The following LRIG1 variants were observed in gnomAD, a reference collection of about 807,000 sequenced individuals.
The protein encoded by LRIG1 is leucine-rich repeats and immunoglobulin-like domains protein 1.
A neutral mutation model predicts 99.2 loss-of-function variants in LRIG1; 48 were observed. That is an observed-to-expected ratio of 0.48 (90% CI 0.38 to 0.62). LRIG1 has a LOEUF of 0.62. Among genes scored for constraint, LRIG1 ranks in the 20% least tolerant of loss-of-function variants. The probability of loss-of-function intolerance (pLI) is 0.00; values close to 1 mark genes in which losing one functional copy is unlikely to be tolerated. For missense variants in LRIG1, 1,646 were observed against 1,434.4 expected (o/e 1.15, Z -2.38); for synonymous variants, 772 against 596.1 (o/e 1.29, Z -4.30).
rs1701007195 is a variant in LRIG1, at chr3:66,380,815, G to A, written c.2817C>T (p.Asp939=). 1 of 1,614,114 alleles carries A rather than the reference G, an allele frequency of 6.2e-7. No homozygotes were observed. The highest frequency in any genetic ancestry group is 8.5e-7 in the Non-Finnish European group (1 of 1,180,056). Residue 939 remains aspartate (D), a synonymous_variant, in exon 18 of 19, where the codon GAC becomes GAT. Coordinates refer to ENST00000273261, the MANE Select transcript of LRIG1 (RefSeq NM_015541.3). ...GGAAGGCTTGTCCCCTGGAGTAACA[G>A]TCCACTTCGGTGTTGCAGTCACTGC... is the stretch of plus-strand genomic sequence containing the variant. The part of the protein sequence containing the change: ...VVCSDCNTEV[D]CYSRGQAFHP...
intron 2 of LRIG1, 131 bp from the exon 3 acceptor site, chr3:66,451,764 G>A (rs902749939): frequency 1.5e-6 from 1 of 666,592 alleles, no homozygotes; most frequent in Non-Finnish European, 2.5e-6. Context: ...GGAGAAAAGA[G>A]AAAGAATTTA....
At chr3:66,467,817 G>T (rs749163289) in intron 1 of LRIG1, among the ~76,000 whole-genome samples, 6 of 152,348 alleles carry the variant, frequency 3.9e-5, no homozygotes, top group Admixed American at 3.3e-4. Flanking sequence ...TCTATATCAT[G>T]AAATAATCCA....
chr3:66,495,816 C>T (rs1031084840), intron 1 of LRIG1, among the ~76,000 whole-genome samples: 4 of 152,190 alleles, frequency 2.6e-5, no homozygotes, highest in East Asian at 1.9e-4. Flanking sequence ...TTCCTGTCCA[C>T]CCTGAAAGAG....
chr3:66,383,425 TAGTC>T (rs762228950), intron 14 of LRIG1, 24 bp from the exon 15 acceptor site: 32 of 1,520,762 alleles, frequency 2.1e-5, no homozygotes, highest in Non-Finnish European at 2.8e-5. Context: ...ACAGAGATCT[TAGTC>T]ATTCTCAGGG....
At chr3:66,432,791 C>T (rs548537317) in intron 3 of LRIG1, among the ~76,000 whole-genome samples, 3 of 152,146 alleles carry the variant, frequency 2.0e-5, no homozygotes, top group South Asian at 2.1e-4. Flanking sequence ...CACCTCTTCT[C>T]GGCATCCACC....
At chr3:66,492,146 A>G (rs1701115221) in intron 1 of LRIG1, among the ~76,000 whole-genome samples, 1 of 152,228 alleles carries the variant, frequency 6.6e-6, no homozygotes, top group Non-Finnish European at 1.5e-5. Context: ...GCTTTCAAAC[A>G]AAAGAGCACT....
intron 1 of LRIG1, among the ~76,000 whole-genome samples, chr3:66,485,569 C>T (rs745810941): frequency 6.6e-6 from 1 of 152,154 alleles, no homozygotes. Context: ...AACAAATATA[C>T]ACGCATTTGA....
intron 1 of LRIG1, among the ~76,000 whole-genome samples, chr3:66,465,661 C>T (rs952762174): frequency 3.3e-5 from 5 of 152,064 alleles, no homozygotes; most frequent in Middle Eastern, 3.4e-3. Context: ...CCACCGTGCC[C>T]GGCCTGAGCA....
At chr3:66,462,177 G>A (rs990503064) in intron 2 of LRIG1, among the ~76,000 whole-genome samples, 1 of 152,156 alleles carries the variant, frequency 6.6e-6, no homozygotes, top group Non-Finnish European at 1.5e-5. Context: ...TCCCACAATG[G>A]AGGGACTCTG....
intron 3 of LRIG1, among the ~76,000 whole-genome samples, chr3:66,428,205 T>C (rs890693952): frequency 6.6e-6 from 1 of 152,228 alleles, no homozygotes; most frequent in Admixed American, 6.5e-5. Flanking sequence ...TGCATATGTC[T>C]GGCCTTAGCA....
chr3:66,452,087 A>G (rs1461312571), intron 2 of LRIG1, among the ~76,000 whole-genome samples: 1 of 152,206 alleles, frequency 6.6e-6, no homozygotes, highest in African/African-American at 2.4e-5. Context: ...GGCTTGGGAC[A>G]CATGGGGCCA....
At chr3:66,462,380 G>T in intron 2 of LRIG1, 58 bp downstream of exon 2, 1 of 1,312,094 alleles carries the variant, frequency 7.6e-7, no homozygotes, top group Non-Finnish European at 1.1e-6. Flanking sequence ...AATACAAGAG[G>T]ATTTTCCCAA....
chr3:66,395,974 G>A (rs149521070), intron 11 of LRIG1, among the ~76,000 whole-genome samples: 2 of 151,198 alleles, frequency 1.3e-5, no homozygotes, highest in African/African-American at 2.4e-5. Context: ...CATTTGTGCA[G>A]GACACAAGGA....
In LRIG1 at chr3:66,380,059, T is replaced by C. The variant is rs1392244916; in HGVS notation, c.*204A>G. On this transcript the variant is annotated 3_prime_UTR_variant, in exon 19 of 19. Coordinates refer to ENST00000273261, the MANE Select transcript of LRIG1 (RefSeq NM_015541.3). ...CTGAAAACTCTTATGTACAATGATA[T>C]CAAATACTTTTTTTGCCTTTTGTAC... The C allele has an allele frequency of 2.0e-5, 10 of 501,566 alleles. No homozygotes were observed. The East Asian group carries it at 3.1e-4, about 15-fold the overall frequency. 31.1% of individuals were successfully genotyped at this position (501,566 alleles called of 1,614,324 possible).
chr3:66,425,213 C>T (rs12487264), intron 3 of LRIG1, among the ~76,000 whole-genome samples: 27,957 of 152,136 alleles, frequency 0.18, 2,676 homozygotes, highest in Admixed American at 0.26. Flanking sequence ...CCTGGCAGAA[C>T]TTTAAGGGCA....
intron 1 of LRIG1, among the ~76,000 whole-genome samples, chr3:66,466,363 G>T (rs889926143): frequency 5.3e-5 from 8 of 152,114 alleles, no homozygotes; most frequent in Non-Finnish European, 1.0e-4. Flanking sequence ...TCTTTTTAAG[G>T]CTAACTAATA....
intron 12 of LRIG1, 159 bp from the exon 13 acceptor site, chr3:66,386,460 T>C (rs1701381502): frequency 1.6e-6 from 1 of 636,330 alleles, no homozygotes; most frequent in Non-Finnish European, 2.8e-6. Flanking sequence ...CCGTAAGAGT[T>C]GCACCATGGA....
In LRIG1 at chr3:66,380,339, C is replaced by A. The variant is rs1370498977; in HGVS notation, c.3206G>T (p.Ser1069Ile). The A allele has an allele frequency of 6.2e-7, 1 of 1,614,192 alleles. No individual in the cohort carries two copies. Among genetic ancestry groups the A allele is most frequent in the South Asian group, 1.1e-5 (1 of 91,086 alleles). Reference protein sequence around the residue: ...NGHLPKACDASPESTPLTGQL... With the variant: ...NGHLPKACDAIPESTPLTGQL... ...TCCTGTCAGTGGCGTGGACTCGGGA[C>A]TGGCGTCACATGCTTTGGGGAGGTG... The change falls in exon 19 of 19, where the codon AGT becomes ATT. Residue 1069 changes from serine to isoleucine, a missense_variant. Physicochemically the swap from Ser to Ile is moderately radical, Grantham distance 142. Coordinates refer to ENST00000273261, the MANE Select transcript of LRIG1 (RefSeq NM_015541.3).
intron 3 of LRIG1, among the ~76,000 whole-genome samples, chr3:66,425,193 G>A (rs1200873509): frequency 1.3e-5 from 2 of 152,176 alleles, no homozygotes; most frequent in Non-Finnish European, 1.5e-5. Context: ...TAGCCCGTCC[G>A]AGAGGCTCTC....
Sources: gnomAD v4.1 joint callset for allele counts (sites outside exome capture counted in the v4.1 genomes callset) on GRCh38, gnomAD v4.1.1 for gene constraint, MANE v1.5 for transcripts, NCBI Gene and HGNC (gene_info 2026-07-23, HGNC 2026-07-21) for gene names.